Variants in DCDC2C observed in about 807,000 individuals in gnomAD.
DCDC2C encodes the protein doublecortin domain containing 2C, also known as doublecortin domain-containing protein 2C.
DCDC2C carries 44 observed loss-of-function variants against 45.0 expected under a neutral mutation model. The observed-to-expected ratio is 0.98, with a 90% CI of 0.77 to 1.26. The LOEUF is 1.26. Among genes scored for constraint, DCDC2C ranks in the 50% most tolerant of loss-of-function variants. The pLI, the probability that DCDC2C is intolerant of heterozygous loss-of-function variation, is 0.00. For missense variants in DCDC2C, 447 were observed against 468.9 expected (o/e 0.95, Z 0.43); for synonymous variants, 187 against 178.8 (o/e 1.05, Z -0.37).
intron 10 of DCDC2C, among the ~76,000 whole-genome samples, chr2:3,789,973 C>T (rs538474139): frequency 6.6e-6 from 1 of 152,276 alleles, no homozygotes; most frequent in South Asian, 2.1e-4. Context: ...TGCTTATTTT[C>T]TTACAACAAA....
chr2:3,762,603 G>A (rs1190943127), intron 6 of DCDC2C, among the ~76,000 whole-genome samples: 1 of 151,936 alleles, frequency 6.6e-6, no homozygotes, highest in Non-Finnish European at 1.5e-5. Flanking sequence ...GGGGGAGCAG[G>A]GGAGGTACCA....
At chr2:3,777,580 A>G (rs566869986) in intron 8 of DCDC2C, among the ~76,000 whole-genome samples, 47 of 152,348 alleles carry the variant, frequency 3.1e-4, no homozygotes, top group South Asian at 2.1e-3. Context: ...GTGTTTTTAC[A>G]AAGCTTATTT....
At chr2:3,790,760 AGTAAT>A (rs1296931834) in intron 10 of DCDC2C, among the ~76,000 whole-genome samples, 1 of 152,208 alleles carries the variant, frequency 6.6e-6, no homozygotes, top group African/African-American at 2.4e-5. Flanking sequence ...TAAGGTCATT[AGTAAT>A]GCTAAGTGGT....
At chr2:3,769,250 A>G (rs1670095638) in intron 7 of DCDC2C, 61 bp from the exon 8 acceptor site, 1 of 1,485,274 alleles carries the variant, frequency 6.7e-7, no homozygotes, top group Admixed American at 2.0e-5. Context: ...GTCAGGAAAT[A>G]TGCAGTGGAC....
chr2:3,755,343 A>G (rs1669665113), intron 6 of DCDC2C, among the ~76,000 whole-genome samples: 2 of 152,016 alleles, frequency 1.3e-5, no homozygotes, highest in Non-Finnish European at 2.9e-5. Context: ...GCATGTATAG[A>G]TGCATATGTG....
chr2:3,847,576 T>TC lies in DCDC2C; in HGVS notation c.*393_*394insC, dbSNP rs1672363769. ...AGGTTGTCACAAAAGCAGGTACTGATAACCTTTGCTATGTAAAGTTCAAAG... is the reference window on the plus strand; with the variant it reads ...AGGTTGTCACAAAAGCAGGTACTGATCAACCTTTGCTATGTAAAGTTCAAAG... On this transcript the variant is annotated 3_prime_UTR_variant, in exon 11 of 11. Coordinates refer to ENST00000399143, the MANE Select transcript of DCDC2C (RefSeq NM_001287444.2). Among the ~76,000 whole-genome samples, 1 of 152,200 alleles carries TC rather than the reference T, an allele frequency of 6.6e-6. No individual in the cohort carries two copies. Among genetic ancestry groups the TC allele is most frequent in the Admixed American group, 6.5e-5 (1 of 15,282 alleles).
chr2:3,756,067 T>G (rs1229810067), intron 6 of DCDC2C, among the ~76,000 whole-genome samples: 1 of 151,926 alleles, frequency 6.6e-6, no homozygotes, highest in Non-Finnish European at 1.5e-5. Context: ...CCTATGTGTA[T>G]GGATGCATAT....
intron 1 of DCDC2C, among the ~76,000 whole-genome samples, chr2:3,706,005 G>A (rs932612087): frequency 3.3e-5 from 5 of 152,172 alleles, no homozygotes; most frequent in African/African-American, 1.2e-4. Context: ...AGCACGTGGG[G>A]TTCCTTTTCT....
intron 9 of DCDC2C, among the ~76,000 whole-genome samples, chr2:3,781,914 G>C (rs1367868591): frequency 6.6e-6 from 1 of 152,160 alleles, no homozygotes; most frequent in Non-Finnish European, 1.5e-5. Flanking sequence ...GATTTCTGAT[G>C]CTTGATCACA....
Position 3,799,870 on chromosome 2 carries a change from C to A in DCDC2C, c.1065+14770C>A, listed in dbSNP as rs542012387. 9.3e-3 allele frequency among the ~76,000 whole-genome samples: 1,381 copies of A among 148,378 alleles called. 14 individuals carry two copies. Among genetic ancestry groups the A allele is most frequent in the African/African-American group, 0.033 (1,317 of 40,296 alleles). On this transcript the variant is annotated intron_variant, in intron 10 of 10. Coordinates refer to ENST00000399143, the MANE Select transcript of DCDC2C (RefSeq NM_001287444.2). ...GGTGGAGCCTGCAGAGGCAGGCAGG[C>A]CTCCTTGAGCTGTGATGGGCTCCAC...
At chr2:3,756,806 A>T (rs1669733562) in intron 6 of DCDC2C, among the ~76,000 whole-genome samples, 1 of 152,134 alleles carries the variant, frequency 6.6e-6, no homozygotes, top group Non-Finnish European at 1.5e-5. Context: ...CTTCTTTCTC[A>T]TGTTGTCCTT....
rs533482148 is a variant in DCDC2C, at chr2:3,767,185, C to G, written c.727-569C>G. Among the ~76,000 whole-genome samples, 5 of 152,346 alleles carry G rather than the reference C, an allele frequency of 3.3e-5. No individual in the cohort carries two copies. The East Asian group carries it at 9.6e-4, about 29-fold the overall frequency. ...TGTGACCACGTCCTAATTTGAGGAGCAGGTATCTGCATGTCATCTTACTTT... is the reference window on the plus strand; with the variant it reads ...TGTGACCACGTCCTAATTTGAGGAGGAGGTATCTGCATGTCATCTTACTTT... On this transcript the variant is annotated intron_variant, in intron 6 of 10. Transcript: ENST00000399143.
Position 3,703,976 on chromosome 2 carries a change from G to T in DCDC2C, c.225G>T (p.Leu75=). The T allele has an allele frequency of 7.7e-7, 1 of 1,304,216 alleles. No individual in the cohort carries two copies. Among genetic ancestry groups the T allele is most frequent in the South Asian group, 2.2e-5 (1 of 45,882 alleles). The allele number at this position is 1,304,216 out of a possible 1,614,324, so 80.8% of individuals were successfully genotyped here. The change falls in exon 1 of 11, where the codon CTG becomes CTT. Residue 75 remains leucine, a synonymous_variant. Transcript: ENST00000399143. The surrounding 1 kb of genome is among the most constrained non-coding windows in gnomAD (Gnocchi z 4.4). Reference sequence around the variant, plus strand: ...CGCGTGGGCACCGGGTGCTGGGGCTGGACGCGCTGCAGGCGGGCGGCAAGT... The same window carrying T: ...CGCGTGGGCACCGGGTGCTGGGGCTTGACGCGCTGCAGGCGGGCGGCAAGT... ...TPTRGHRVLG[L]DALQAGGKYV... is the part of the protein sequence containing the mutation.
At position 3,742,053 on chromosome 2, in the gene DCDC2C, G is replaced by A; in HGVS notation, c.545+5G>A. ...CCCTCTAGGAGGCGTTCGGAAGTAA[G>A]GAGACTCTCGCCTTTAGGACAGCCA... On this transcript the variant is annotated splice_donor_5th_base_variant and intron_variant, in intron 4 of 10. Coordinates refer to ENST00000399143, the MANE Select transcript of DCDC2C (RefSeq NM_001287444.2). 3 of 1,532,070 alleles carry A rather than the reference G, an allele frequency of 2.0e-6. No homozygotes were observed. The highest frequency in any genetic ancestry group is 2.6e-6 in the Non-Finnish European group (3 of 1,139,678). The allele number at this position is 1,532,070 out of a possible 1,614,324, so 94.9% of individuals were successfully genotyped here.
intron 10 of DCDC2C, among the ~76,000 whole-genome samples, chr2:3,791,691 C>T (rs767252666): frequency 6.6e-6 from 1 of 152,212 alleles, no homozygotes; most frequent in Non-Finnish European, 1.5e-5. Flanking sequence ...CCTGATGACC[C>T]TCACACCTCT....
intron 3 of DCDC2C, among the ~76,000 whole-genome samples, chr2:3,740,262 TAATTC>T (rs1445072181): frequency 1.3e-5 from 2 of 152,392 alleles, no homozygotes; most frequent in East Asian, 3.9e-4. Flanking sequence ...ACTTCATACA[TAATTC>T]TATGAGAAAT....
chr2:3,770,664 T>A lies in DCDC2C; in HGVS notation c.954+1253T>A, dbSNP rs546524126. The stretch of plus-strand genomic sequence containing the variant: ...TTTAGGCTGTTACTTGTATGCCAAA[T>A]ATACCGTTGTCACTAGGATGTTACT... On this transcript the variant is annotated intron_variant, in intron 8 of 10. Transcript: ENST00000399143. Among the ~76,000 whole-genome samples, 3 of 152,380 alleles carry A rather than the reference T, an allele frequency of 2.0e-5. No homozygotes were observed. In the South Asian group the frequency reaches 6.2e-4, roughly 32 times the overall value.
At chr2:3,780,140 C>T (rs577303249) in intron 9 of DCDC2C, among the ~76,000 whole-genome samples, 1 of 152,246 alleles carries the variant, frequency 6.6e-6, no homozygotes, top group South Asian at 2.1e-4. Context: ...TTCTTTGGCA[C>T]CCTCCGTCGA....
chr2:3,739,563 C>T (rs1440118166), intron 3 of DCDC2C, among the ~76,000 whole-genome samples: 1 of 152,250 alleles, frequency 6.6e-6, no homozygotes, highest in Admixed American at 6.5e-5. Flanking sequence ...CGCCGACCGG[C>T]AGAACGACAC....
Sources: gnomAD v4.1 joint callset for allele counts (sites outside exome capture counted in the v4.1 genomes callset) on GRCh38, gnomAD v4.1.1 for gene constraint, Gnocchi (gnomAD v3.1) non-coding constraint, MANE v1.5 for transcripts, NCBI Gene and HGNC (gene_info 2026-07-23, HGNC 2026-07-21) for gene names.